The following SCLT1 variants were observed in gnomAD, a reference collection of about 807,000 sequenced individuals.
SCLT1 encodes the protein sodium channel and clathrin linker 1.
A neutral mutation model predicts 112.8 loss-of-function variants in SCLT1; 78 were observed. The ratio of observed to expected loss-of-function variants is 0.69; its 90% CI spans 0.58 to 0.83. The LOEUF (loss-of-function observed/expected upper bound fraction) is 0.83. Among genes scored for constraint, SCLT1 ranks in the 40% least tolerant of loss-of-function variants. The pLI, the probability that SCLT1 is intolerant of heterozygous loss-of-function variation, is 0.00. For missense variants in SCLT1, 747 were observed against 770.4 expected, an observed-to-expected ratio of 0.97 and a Z score of 0.36; for synonymous variants, 257 against 254.7, an observed-to-expected ratio of 1.01 and a Z score of -0.09.
downstream of SCLT1, among the ~76,000 whole-genome samples, chr4:128,882,870 G>A (rs997421897): frequency 6.6e-6 from 1 of 152,178 alleles, no homozygotes; most frequent in Non-Finnish European, 1.5e-5. Context: ...GCAGATGCCA[G>A]ACACGGTGGC....
At chr4:128,964,775 T>G (rs925258457) in intron 11 of SCLT1, among the ~76,000 whole-genome samples, 1 of 152,178 alleles carries the variant, frequency 6.6e-6, no homozygotes, top group African/African-American at 2.4e-5. Context: ...TTAACCACTC[T>G]TTAGAAGAAA....
intron 18 of SCLT1, among the ~76,000 whole-genome samples, chr4:128,912,240 C>T (rs1244780169): frequency 1.3e-5 from 2 of 151,976 alleles, no homozygotes; most frequent in African/African-American, 4.8e-5. Flanking sequence ...TGGACTATAC[C>T]ATTGAATCAC....
chr4:128,911,089 C>A (rs893573607), intron 18 of SCLT1, among the ~76,000 whole-genome samples: 1 of 152,054 alleles, frequency 6.6e-6, no homozygotes, highest in African/African-American at 2.4e-5. Context: ...CATGGTGAAA[C>A]TCCATCTCTA....
chr4:128,915,972 T>G (rs889245200), intron 18 of SCLT1, among the ~76,000 whole-genome samples: 1 of 152,240 alleles, frequency 6.6e-6, no homozygotes, highest in African/African-American at 2.4e-5. Flanking sequence ...GCCTTATTCA[T>G]CTTGTGTTTC....
chr4:129,039,022 C>A lies in SCLT1; in HGVS notation c.290+19G>T, dbSNP rs768031029. ...CTAAGACAATAATAAAAGATAAAACCAATAGTTAATTGATTTACCTTTCAT... is the reference window on the plus strand; with the variant it reads ...CTAAGACAATAATAAAAGATAAAACAAATAGTTAATTGATTTACCTTTCAT... On this transcript the variant is annotated intron_variant, in intron 5 of 20. Transcript: ENST00000281142. The A allele has an allele frequency of 2.8e-5, 38 of 1,368,948 alleles. No individual in the cohort carries two copies. The highest frequency in any genetic ancestry group is 3.9e-5 in the Non-Finnish European group (37 of 959,532). The allele number at this position is 1,368,948 out of a possible 1,614,324, so 84.8% of individuals were successfully genotyped here. A position where few individuals can be genotyped will look rare whatever the true frequency, so the allele number is the denominator to read the frequency against.
chr4:129,082,385 G>T lies in SCLT1; in HGVS notation c.35-12C>A. On this transcript the variant is annotated splice_polypyrimidine_tract_variant and intron_variant, in intron 1 of 20. Coordinates refer to ENST00000281142, the MANE Select transcript of SCLT1 (RefSeq NM_144643.4). ...ATTTAGTCTTCGATCTGAAACAAGC[G>T]GGAAAACAGATTTCAGTTCATTGAG... 1 of 1,562,486 alleles carries T rather than the reference G, an allele frequency of 6.4e-7. No homozygotes were observed. Among genetic ancestry groups the T allele is most frequent in the Non-Finnish European group, 8.7e-7 (1 of 1,146,330 alleles).
chr4:128,937,391 A>G (rs1244707276), intron 17 of SCLT1, among the ~76,000 whole-genome samples: 2 of 152,102 alleles, frequency 1.3e-5, no homozygotes, highest in Non-Finnish European at 2.9e-5. Flanking sequence ...TGAACTATAT[A>G]TTTTTGCAAC....
At chr4:128,943,400 G>C (rs1023730777) in intron 16 of SCLT1, among the ~76,000 whole-genome samples, 8 of 152,112 alleles carry the variant, frequency 5.3e-5, no homozygotes, top group African/African-American at 1.7e-4. Flanking sequence ...ACTAAGAACA[G>C]ATGAATTGAA....
chr4:129,071,692 A>G (rs1751018654), intron 2 of SCLT1, among the ~76,000 whole-genome samples: 1 of 151,892 alleles, frequency 6.6e-6, no homozygotes. Flanking sequence ...GTGAGTCCTT[A>G]TGTTTTAGGT....
At chr4:129,047,786 C>T (rs1748327752) in intron 2 of SCLT1, among the ~76,000 whole-genome samples, 1 of 152,052 alleles carries the variant, frequency 6.6e-6, no homozygotes, top group South Asian at 2.1e-4. Context: ...TGTATGTCTT[C>T]TTTTAGAGAT....
intron 15 of SCLT1, 67 bp from the exon 16 acceptor site, chr4:128,946,219 C>T (rs1738150829): frequency 1.8e-5 from 19 of 1,030,812 alleles, no homozygotes; most frequent in Non-Finnish European, 2.5e-5. Context: ...AGTTTAGAAA[C>T]AGAAATCAAT....
intron 4 of SCLT1, 52 bp from the exon 5 acceptor site, chr4:129,039,148 C>A (rs1747450947): frequency 1.7e-6 from 2 of 1,177,526 alleles, no homozygotes; most frequent in South Asian, 1.2e-5. Flanking sequence ...AATCAGATCT[C>A]CATTAAGTAG....
chr4:129,055,014 C>G (rs777294973), intron 2 of SCLT1, among the ~76,000 whole-genome samples: 1 of 152,142 alleles, frequency 6.6e-6, no homozygotes, highest in African/African-American at 2.4e-5. Context: ...AACAGTCAGT[C>G]CCCTCTTCTA....
At chr4:129,061,954 GCTTAGT>G (rs1750019537) in intron 2 of SCLT1, among the ~76,000 whole-genome samples, 1 of 152,110 alleles carries the variant, frequency 6.6e-6, no homozygotes, top group Non-Finnish European at 1.5e-5. Flanking sequence ...CCTCAGATAA[GCTTAGT>G]GACTTTGAGG....
At chr4:128,893,809 G>A (rs1733516955) in intron 18 of SCLT1, among the ~76,000 whole-genome samples, 1 of 152,152 alleles carries the variant, frequency 6.6e-6, no homozygotes, top group African/African-American at 2.4e-5. Flanking sequence ...CCAAAGTGTT[G>A]GGATTACAGG....
At chr4:128,998,745 C>A (rs536697078) in intron 7 of SCLT1, among the ~76,000 whole-genome samples, 1 of 150,274 alleles carries the variant, frequency 6.7e-6, no homozygotes, top group East Asian at 2.0e-4. Flanking sequence ...CAAGCCAGGG[C>A]ATGTAAAGAA....
intron 13 of SCLT1, 60 bp from the exon 14 acceptor site, chr4:128,952,900 T>C: frequency 1.2e-6 from 1 of 828,596 alleles, no homozygotes; most frequent in Non-Finnish European, 2.1e-6. Context: ...TAATATCTGA[T>C]AAAAACACTC....
chr4:129,051,431 A>G lies in SCLT1; in HGVS notation c.103-7380T>C, dbSNP rs146465786. ...CAGTGGTTTGTAGTTCTCCTTGAAGAGGTTCTTTACATCCCTTGTAAGTTG... is the reference window on the plus strand; with the variant it reads ...CAGTGGTTTGTAGTTCTCCTTGAAGGGGTTCTTTACATCCCTTGTAAGTTG... On this transcript the variant is annotated intron_variant, in intron 2 of 20. Coordinates refer to ENST00000281142, the MANE Select transcript of SCLT1 (RefSeq NM_144643.4). Among the ~76,000 whole-genome samples, 826 of 152,178 alleles carry G rather than the reference A, an allele frequency of 5.4e-3. 14 individuals carry two copies. The highest frequency in any genetic ancestry group is 0.019 in the African/African-American group (777 of 41,512).
chr4:129,004,656 A>C (rs1452483902), intron 5 of SCLT1, among the ~76,000 whole-genome samples: 1 of 152,044 alleles, frequency 6.6e-6, no homozygotes, highest in Non-Finnish European at 1.5e-5. Context: ...ACAAAGTGAA[A>C]ATAACAAAAT....
Sources: allele counts gnomAD v4.1 joint callset (sites outside exome capture counted in the v4.1 genomes callset), GRCh38; gene constraint gnomAD v4.1.1; transcripts MANE v1.5; gene names NCBI Gene and HGNC (gene_info 2026-07-23, HGNC 2026-07-21).